The following DMBT1 variants were observed in gnomAD, a reference collection of about 807,000 sequenced individuals.
The protein encoded by DMBT1 is scavenger receptor cysteine-rich domain-containing protein DMBT1.
Under a neutral mutation model 252.9 loss-of-function variants are expected in DMBT1, and 198 were observed. The ratio of observed to expected loss-of-function variants is 0.78; its 90% CI spans 0.70 to 0.88. The LOEUF is 0.88. DMBT1 is among the 40% of genes least tolerant of loss of function. The probability of loss-of-function intolerance (pLI) is 0.00; values close to 1 mark genes in which losing one functional copy is unlikely to be tolerated. For synonymous variants in DMBT1, 990 were observed against 942.7 expected, an observed-to-expected ratio of 1.05 and a Z score of -0.92; for missense variants, 2,432 against 2,404.7, an observed-to-expected ratio of 1.01 and a Z score of -0.24.
intron 51 of DMBT1, 131 bp downstream of exon 51, chr10:122,633,021 C>A: frequency 6.6e-7 from 1 of 1,521,398 alleles, no homozygotes; most frequent in East Asian, 2.4e-5. Context: ...GAGTGCCCTG[C>A]CAGCCCTCAG....
At position 122,624,222 on chromosome 10, in the gene DMBT1, C is replaced by G. The variant is rs138530271; in HGVS notation, c.5609-1055C>G. Among the ~76,000 whole-genome samples, 452 of 152,308 alleles carry G rather than the reference C, an allele frequency of 3.0e-3. 3 individuals are homozygous for G. The highest frequency in any genetic ancestry group is 5.5e-3 in the Non-Finnish European group (373 of 68,028). On this transcript the variant is annotated intron_variant, in intron 44 of 55. Transcript: ENST00000338354. The stretch of plus-strand genomic sequence containing the variant: ...GGTCCCTGCAGATCCATGCTGATGG[C>G]TCCTGCACTTTAACCTCTGAATCTG...
chr10:122,620,272 C>A lies in DMBT1; in HGVS notation c.5265C>A (p.Asn1755Lys). 6.2e-7 allele frequency: 1 copy of A among 1,614,020 alleles called. No individual in the cohort carries two copies. Among genetic ancestry groups the A allele is most frequent in the African/African-American group, 1.3e-5 (1 of 75,056 alleles). ...TPRPDTWLTT[N>K]LPALTVGSES... Reference sequence around the variant, plus strand: ...TTACAGATACTTGGCTGACCACCAACTTACCGGCATTGACAGTAGGTAAAT... The same window carrying A: ...TTACAGATACTTGGCTGACCACCAAATTACCGGCATTGACAGTAGGTAAAT... The change falls in exon 43 of 56, where the codon AAC (asparagine) becomes AAA (lysine). Residue 1755 changes from asparagine to lysine, a missense_variant. Around this residue, in one of 3 missense-constraint regions of DMBT1, gnomAD observed 1,162 missense variants for 1,169.0 expected, o/e 0.99. Transcript: ENST00000338354.
At chr10:122,570,249 C>T (rs1416191136) in intron 3 of DMBT1, 40 bp downstream of exon 3, 3 of 1,416,382 alleles carry the variant, frequency 2.1e-6, no homozygotes, top group Non-Finnish European at 3.0e-6. Context: ...GCTCATTACC[C>T]CACTGCACCC....
intron 4 of DMBT1, among the ~76,000 whole-genome samples, 187 bp from the exon 5 acceptor site, chr10:122,572,127 C>T (rs573186695): frequency 2.6e-4 from 39 of 152,262 alleles, no homozygotes; most frequent in Non-Finnish European, 4.4e-4. Flanking sequence ...GATGCTTGTG[C>T]GGCACCTTGG....
rs753373640 is a variant in DMBT1, at chr10:122,600,045, TCTC to T, written c.3281-18_3281-16del. 1.0e-5 allele frequency: 16 copies of T among 1,607,614 alleles called. 2 individuals carry two copies. The African/African-American group carries it at 2.2e-4, about 22-fold the overall frequency. Reference sequence around the variant, plus strand: ...CTGTGTAATGTTCCTGATCTGACCTTCTCTTCTCTTTCTCACAGCTTCCCAGTC... The same window carrying T: ...CTGTGTAATGTTCCTGATCTGACCTTTTCTCTTTCTCACAGCTTCCCAGTC... On this transcript the variant is annotated splice_polypyrimidine_tract_variant and intron_variant, in intron 26 of 55. Coordinates refer to ENST00000338354, the MANE Select transcript of DMBT1 (RefSeq NM_001377530.1).
At chr10:122,623,148 T>C (rs1209895485) in intron 44 of DMBT1, among the ~76,000 whole-genome samples, 2 of 152,358 alleles carry the variant, frequency 1.3e-5, no homozygotes, top group South Asian at 2.1e-4. Flanking sequence ...TCACTTTCTA[T>C]GAATGGAATC....
At chr10:122,593,201 C>A (rs2097864625) in intron 20 of DMBT1, among the ~76,000 whole-genome samples, 1 of 148,922 alleles carries the variant, frequency 6.7e-6, no homozygotes, top group African/African-American at 2.4e-5. Flanking sequence ...ACAGGCCAGG[C>A]ATGGCCTTGT....
intron 26 of DMBT1, 129 bp downstream of exon 26, chr10:122,599,226 C>T: frequency 6.6e-7 from 1 of 1,508,864 alleles, no homozygotes; most frequent in Non-Finnish European, 8.9e-7. Flanking sequence ...GACTTGTTAG[C>T]TCTCTGCTAA....
chr10:122,571,068 T>C, intron 4 of DMBT1, 131 bp downstream of exon 4: 1 of 1,131,112 alleles, frequency 8.8e-7, no homozygotes, highest in Non-Finnish European at 1.3e-6. Context: ...GTAGTGTGGA[T>C]ATCACCTTGC....
At chr10:122,577,054 C>T (rs1404700010) in intron 7 of DMBT1, among the ~76,000 whole-genome samples, 3 of 152,294 alleles carry the variant, frequency 2.0e-5, no homozygotes, top group African/African-American at 7.2e-5. Context: ...GCGAGCAGTG[C>T]CGCAACATTG....
intron 2 of DMBT1, among the ~76,000 whole-genome samples, chr10:122,567,514 C>T (rs897091652): frequency 6.6e-5 from 10 of 152,212 alleles, no homozygotes; most frequent in African/African-American, 2.4e-4. Context: ...AAGCAACCTG[C>T]CCCCTCCCTT....
chr10:122,634,472 C>T (rs1366437965), intron 52 of DMBT1, among the ~76,000 whole-genome samples: 12 of 104,030 alleles, frequency 1.2e-4, no homozygotes, highest in African/African-American at 2.8e-4. Flanking sequence ...CTCTCTCTCT[C>T]TCTCTCTCTT....
intron 1 of DMBT1, among the ~76,000 whole-genome samples, chr10:122,563,010 A>T (rs1450164518): frequency 6.6e-6 from 1 of 152,210 alleles, no homozygotes; most frequent in Non-Finnish European, 1.5e-5. Context: ...TGCTCCTTGC[A>T]GGGAACTGAG....
chr10:122,637,076 C>T, intron 53 of DMBT1, 52 bp from the exon 54 acceptor site: 1 of 1,559,786 alleles, frequency 6.4e-7, no homozygotes, highest in Non-Finnish European at 8.8e-7. Flanking sequence ...CCCCGTAGGA[C>T]TTGTGGAGTC....
chr10:122,590,647 ACCT>A lies in DMBT1; in HGVS notation c.2108-13_2108-11del, dbSNP rs763149813. On this transcript the variant is annotated splice_polypyrimidine_tract_variant and intron_variant, in intron 17 of 55. Transcript: ENST00000338354. ...GCTTCTGTATAGTGCATCTGATCTGACCTCCTCTTTCTCACAGCTGCCCAGTCC... is the reference window on the plus strand; with the variant it reads ...GCTTCTGTATAGTGCATCTGATCTGACCTCTTTCTCACAGCTGCCCAGTCC... 2.5e-6 allele frequency: 4 copies of A among 1,585,722 alleles called. 1 individual carries two copies. Among genetic ancestry groups the A allele is most frequent in the Non-Finnish European group, 3.4e-6 (4 of 1,164,316 alleles).
chr10:122,562,949 G>A (rs1393350179), intron 1 of DMBT1, among the ~76,000 whole-genome samples: 1 of 152,222 alleles, frequency 6.6e-6, no homozygotes, highest in East Asian at 1.9e-4. Context: ...GCTTGAATCT[G>A]GATCAAATTC....
At chr10:122,563,553 C>T (rs2097565765) in intron 1 of DMBT1, among the ~76,000 whole-genome samples, 1 of 150,084 alleles carries the variant, frequency 6.7e-6, no homozygotes, top group Non-Finnish European at 1.5e-5. Context: ...TGCCACTGCA[C>T]TCCAGCCTGG....
intron 17 of DMBT1, among the ~76,000 whole-genome samples, 174 bp from the exon 18 acceptor site, chr10:122,590,491 G>A (rs764049938): frequency 1.3e-5 from 2 of 148,676 alleles, no homozygotes; most frequent in Non-Finnish European, 3.0e-5. Flanking sequence ...GACAAGATCT[G>A]CCCAGATGCC....
intron 28 of DMBT1, 97 bp from the exon 29 acceptor site, chr10:122,601,699 GA>G (rs2097960058): frequency 1.2e-6 from 1 of 869,336 alleles, no homozygotes; most frequent in Non-Finnish European, 1.7e-6. Context: ...CATTCGTATT[GA>G]AACTTGACTA....
Sources: gnomAD v4.1 joint callset for allele counts (sites outside exome capture counted in the v4.1 genomes callset) on GRCh38, gnomAD v4.1.1 for gene constraint, gnomAD v4.1.1 regional missense constraint, MANE v1.5 for transcripts, NCBI Gene and HGNC (gene_info 2026-07-23, HGNC 2026-07-21) for gene names.